SBF1: variants seen among roughly 807,000 people sequenced by gnomAD.
SBF1 encodes the protein myotubularin-related protein 5.
SBF1 carries 65 observed loss-of-function variants against 215.8 expected under a neutral mutation model. That is an observed-to-expected ratio of 0.30 (90% CI 0.25 to 0.37). SBF1 has a LOEUF of 0.37. SBF1 is among the 10% of genes least tolerant of loss of function. The pLI, the probability that SBF1 is intolerant of heterozygous loss-of-function variation, is 1.00. For synonymous variants in SBF1, 1,410 were observed against 1,122.8 expected, an observed-to-expected ratio of 1.26 and a Z score of -5.11; for missense variants, 2,634 against 2,667.8, an observed-to-expected ratio of 0.99 and a Z score of 0.28.
chr22:50,454,804 C>A lies in SBF1; in HGVS notation c.4812+10G>T. On this transcript the variant is annotated intron_variant, in intron 35 of 40. Transcript: ENST00000380817. ...CAGGAGCCGCCTACCCGACCCAGGC[C>A]CCAGCTTACCTCTGCGTCCTCGGGC... The A allele has an allele frequency of 6.2e-7, 1 of 1,613,498 alleles. No homozygotes were observed. The highest frequency in any genetic ancestry group is 8.5e-7 in the Non-Finnish European group (1 of 1,179,774).
intron 29 of SBF1, 112 bp downstream of exon 29, chr22:50,456,922 C>T (rs2067276624): frequency 6.4e-6 from 6 of 934,872 alleles, no homozygotes; most frequent in Non-Finnish European, 9.1e-6. Context: ...GGAGACGGGT[C>T]GTTAGTGTCA....
At position 50,446,931 on chromosome 22, in the gene SBF1, C is replaced by T; in HGVS notation, c.*211G>A. 1 of 716,778 alleles carries T rather than the reference C, an allele frequency of 1.4e-6. No homozygotes were observed. Among genetic ancestry groups the T allele is most frequent in the Admixed American group, 1.9e-5 (1 of 51,326 alleles). The allele number at this position is 716,778 out of a possible 1,614,324, so 44.4% of individuals were successfully genotyped here. ...CCATTGCGGGCTGTACCTTGGCCAC[C>T]TCCCGGCACGGTGCTCAGCTGTGAC... On this transcript the variant is annotated 3_prime_UTR_variant, in exon 41 of 41. Coordinates refer to ENST00000380817, the MANE Select transcript of SBF1 (RefSeq NM_002972.4).
At position 50,448,567 on chromosome 22, in the gene SBF1, G is replaced by A; in HGVS notation, c.5127C>T (p.Arg1709=). ...DTWDRVKAAQ[R]LEGRPDGRGT... ...CACGGCCGTCTGGCCGGCCCTCGAG[G>A]CGCTGTGCAGCCTTCACCCGGTCCC... The change falls in exon 37 of 41, where the codon CGC becomes CGT. Residue 1709 remains arginine (R), a synonymous_variant. Transcript: ENST00000380817. 6.2e-7 allele frequency: 1 copy of A among 1,612,040 alleles called. No individual in the cohort carries two copies. The highest frequency in any genetic ancestry group is 8.5e-7 in the Non-Finnish European group (1 of 1,179,966).
chr22:50,463,498 G>A, intron 15 of SBF1, 66 bp from the exon 16 acceptor site: 2 of 1,470,284 alleles, frequency 1.4e-6, no homozygotes, highest in Non-Finnish European at 1.8e-6. Flanking sequence ...CCCTGGCAGG[G>A]AGGGCAGCAG....
intron 1 of SBF1, among the ~76,000 whole-genome samples, chr22:50,470,125 C>T (rs2067943998): frequency 6.6e-6 from 1 of 151,808 alleles, no homozygotes; most frequent in Non-Finnish European, 1.5e-5. Context: ...GCTGCGGCTC[C>T]TCCCCCACCC....
rs766927218 is a variant in SBF1, at chr22:50,465,950, G to A, written c.1011+11C>T. 6 of 1,613,134 alleles carry A rather than the reference G, an allele frequency of 3.7e-6. No individual in the cohort carries two copies. Among genetic ancestry groups the A allele is most frequent in the Non-Finnish European group, 5.1e-6 (6 of 1,179,270 alleles). On this transcript the variant is annotated intron_variant, in intron 9 of 40. Coordinates refer to ENST00000380817, the MANE Select transcript of SBF1 (RefSeq NM_002972.4). ...CCCCCAAGGCTCCCGCTTGCCCATG[G>A]TGCCCCTCACCATGCTCAGCACACT...
At chr22:50,467,194 T>G in intron 5 of SBF1, 144 bp downstream of exon 5, 1 of 672,452 alleles carries the variant, frequency 1.5e-6, no homozygotes, top group East Asian at 2.7e-5. Flanking sequence ...CCAGGACTGT[T>G]GGGGGCAATG....
intron 36 of SBF1, among the ~76,000 whole-genome samples, chr22:50,451,747 C>T (rs1233849857): frequency 6.6e-6 from 1 of 151,208 alleles, no homozygotes; most frequent in Non-Finnish European, 1.5e-5. Context: ...TAAGAATCAA[C>T]ACCAACTTCT....
intron 23 of SBF1, 51 bp downstream of exon 23, chr22:50,461,089 AAGAAAGACCGGTTTGCAGG>A: frequency 7.9e-6 from 12 of 1,520,878 alleles, no homozygotes; most frequent in Non-Finnish European, 1.1e-5. Context: ...TGGTTCATAC[AAGAAAGACCGGTTTGCAGG>A]AGAAAGACCA....
chr22:50,447,213 A>C lies in SBF1; in HGVS notation c.5611T>G (p.Phe1871Val). The C allele has an allele frequency of 6.2e-7, 1 of 1,613,932 alleles. No individual in the cohort carries two copies. Among genetic ancestry groups the C allele is most frequent in the Non-Finnish European group, 8.5e-7 (1 of 1,179,990 alleles). The change falls in exon 41 of 41, where the codon TTC becomes GTC. Residue 1871 changes from phenylalanine to valine, a missense_variant. By Grantham distance (50) the Phe-to-Val change is conservative. Coordinates refer to ENST00000380817, the MANE Select transcript of SBF1 (RefSeq NM_002972.4). ...GCCGAGGGCACGTCCTGGGCACAGA[A>C]GTTGTAAACGCGACGCGTTGTCTTC... ...DVKTTRRVYN[F>V]CAQDVPSAQQ...
At chr22:50,451,720 TAC>T (rs1158442760) in intron 36 of SBF1, among the ~76,000 whole-genome samples, 1 of 151,484 alleles carries the variant, frequency 6.6e-6, no homozygotes, top group Admixed American at 6.6e-5. Context: ...GGTGCCATTA[TAC>T]ACAGTTTATA....
Position 50,454,456 on chromosome 22 carries a change from G to A in SBF1, c.5043+56C>T, listed in dbSNP as rs541577402. ...GTACACACACACGCACGACCCTGGT[G>A]TCTGAGCGAGAGGAGGGGGGTGCCA... On this transcript the variant is annotated intron_variant, in intron 36 of 40. Coordinates refer to ENST00000380817, the MANE Select transcript of SBF1 (RefSeq NM_002972.4). 4.1e-6 allele frequency: 6 copies of A among 1,462,134 alleles called. No individual in the cohort carries two copies. In the African/African-American group the frequency reaches 6.9e-5, roughly 17 times the overall value. 90.6% of individuals were successfully genotyped at this position (1,462,134 alleles called of 1,614,324 possible). A position where few individuals can be genotyped will look rare whatever the true frequency, so the allele number is the denominator to read the frequency against.
chr22:50,458,286 CAGAG>C (rs1376889234), intron 28 of SBF1, among the ~76,000 whole-genome samples: 1 of 119,030 alleles, frequency 8.4e-6, no homozygotes, highest in Non-Finnish European at 1.7e-5. Flanking sequence ...GCGTGGGTGA[CAGAG>C]AAAGACTCCG....
In SBF1 at chr22:50,467,419, G is replaced by T; in HGVS notation, c.468C>A (p.His156Gln). The T allele has an allele frequency of 2.5e-6, 4 of 1,614,174 alleles. No individual in the cohort carries two copies. In the South Asian group the frequency reaches 4.4e-5, roughly 18 times the overall value. ...CCAGGCACACATTCAGGCCCTCCAC[G>T]TGGATGGCATAGATGAGGCCAAGGC... is the stretch of plus-strand genomic sequence containing the variant. ...RNSLGLIYAIHVEGLNVCLEN... is the reference protein window; with the variant it reads ...RNSLGLIYAIQVEGLNVCLEN... Residue 156 changes from histidine (H) to glutamine (Q), a missense_variant, in exon 5 of 41, where the codon CAC becomes CAA. Transcript: ENST00000380817.
Position 50,456,472 on chromosome 22 carries a change from AC to A in SBF1, c.4086+19del. On this transcript the variant is annotated intron_variant, in intron 30 of 40. Coordinates refer to ENST00000380817, the MANE Select transcript of SBF1 (RefSeq NM_002972.4). ...TGCCGAGCCCCCACCCTCACCCCCCACCCCCCGCACCCCAGTCACCTTGAGC... is the reference window on the plus strand; with the variant it reads ...TGCCGAGCCCCCACCCTCACCCCCCACCCCCGCACCCCAGTCACCTTGAGC... 9.3e-6 allele frequency: 4 copies of A among 428,392 alleles called. No individual in the cohort carries two copies. Among genetic ancestry groups the A allele is most frequent in the South Asian group, 3.9e-5 (1 of 25,520 alleles). 26.5% of individuals were successfully genotyped at this position (428,392 alleles called of 1,614,324 possible).
At chr22:50,465,386 G>A in intron 10 of SBF1, 58 bp from the exon 11 acceptor site, 1 of 1,454,902 alleles carries the variant, frequency 6.9e-7, no homozygotes, top group South Asian at 1.3e-5. Context: ...ACCCCAGGCT[G>A]CCCAGGAGCT....
At chr22:50,463,832 A>G (rs1302176697) in intron 15 of SBF1, among the ~76,000 whole-genome samples, 1 of 152,242 alleles carries the variant, frequency 6.6e-6, no homozygotes, top group Admixed American at 6.5e-5. Flanking sequence ...GGCCGCCCCA[A>G]AGGGACACCA....
rs1188020860 is a variant in SBF1 at position 50,464,905 on chromosome 22, C to T, written c.1345G>A (p.Glu449Lys). The T allele has an allele frequency of 2.5e-6, 4 of 1,613,766 alleles. No homozygotes were observed. The highest frequency in any genetic ancestry group is 1.7e-6 in the Non-Finnish European group (2 of 1,180,014). ...TDLFDELVAH[E>K]VARMRADENH... ...TCATCCGCCCGCATCCTTGCCACCT[C>T]GTGGGCCACCAGCTAGCGGGGTAAG... is the stretch of plus-strand genomic sequence containing the variant. Residue 449 changes from glutamate to lysine, a missense_variant, in exon 13 of 41, where the codon GAG (glutamate) becomes AAG (lysine). By Grantham distance (56) the Glu-to-Lys change is moderately conservative (BLOSUM62 1). Transcript: ENST00000380817.
At chr22:50,456,759 G>A in intron 29 of SBF1, 86 bp from the exon 30 acceptor site, 2 of 1,218,558 alleles carry the variant, frequency 1.6e-6, no homozygotes, top group Non-Finnish European at 2.2e-6. Flanking sequence ...CCAGGGAGGG[G>A]GCTGAGCTCC....
Sources: allele counts gnomAD v4.1 joint callset (sites outside exome capture counted in the v4.1 genomes callset), GRCh38; gene constraint gnomAD v4.1.1; transcripts MANE v1.5; gene names NCBI Gene and HGNC (gene_info 2026-07-23, HGNC 2026-07-21).